PTPRD: variants seen among roughly 807,000 people sequenced by gnomAD.
PTPRD encodes protein tyrosine phosphatase receptor type D.
In PTPRD, 34 loss-of-function variants were observed where a neutral mutation model predicts 214.5. The ratio of observed to expected loss-of-function variants is 0.16; its 90% CI spans 0.12 to 0.21. The LOEUF (loss-of-function observed/expected upper bound fraction) is 0.21. Among genes scored for constraint, PTPRD ranks in the 10% least tolerant of loss-of-function variants. The probability of loss-of-function intolerance (pLI) is 1.00; values close to 1 mark genes in which losing one functional copy is unlikely to be tolerated. For missense variants in PTPRD, 2,545 were observed against 2,398.7 expected (o/e 1.06, Z -1.27); for synonymous variants, 1,128 against 845.7 (o/e 1.33, Z -5.79).
intron 3 of PTPRD, among the ~76,000 whole-genome samples, chr9:10,181,173 T>C (rs1267212432): frequency 4.6e-5 from 7 of 152,092 alleles, no homozygotes. Flanking sequence ...AGGATAGTCA[T>C]CTAATCTTTA....
At chr9:10,579,206 C>A (rs1009737154) in intron 2 of PTPRD, among the ~76,000 whole-genome samples, 45 of 152,154 alleles carry the variant, frequency 3.0e-4, no homozygotes, top group African/African-American at 1.0e-3. Flanking sequence ...TCATTCTCAG[C>A]AAACTAACAC....
rs912602852 is a variant in PTPRD, at chr9:9,568,611, G to A, written c.-237+6121C>T. ...ACTTACAACTCACTGAGTCATACAT[G>A]TATGGATTTATAGGTTTTCCTACAT... On this transcript the variant is annotated intron_variant, in intron 8 of 45. Transcript: ENST00000381196. Among the ~76,000 whole-genome samples the A allele has an allele frequency of 3.3e-5, 5 of 151,926 alleles. No homozygotes were observed. The East Asian group carries it at 9.6e-4, about 29-fold the overall frequency.
intron 10 of PTPRD, among the ~76,000 whole-genome samples, chr9:9,031,593 T>G (rs2099605616): frequency 6.6e-6 from 1 of 152,038 alleles, no homozygotes; most frequent in African/African-American, 2.4e-5. Context: ...TCAGCTCTAT[T>G]ATAATCTTAA....
intron 11 of PTPRD, among the ~76,000 whole-genome samples, chr9:8,999,023 T>C (rs1429243910): frequency 2.0e-5 from 3 of 152,094 alleles, no homozygotes; most frequent in Non-Finnish European, 1.5e-5. Flanking sequence ...AGTTGCATTT[T>C]ATGCATGAGC....
intron 2 of PTPRD, among the ~76,000 whole-genome samples, chr9:10,486,668 A>G (rs1209053496): frequency 6.6e-6 from 1 of 152,224 alleles, no homozygotes; most frequent in Non-Finnish European, 1.5e-5. Context: ...GTCAGAGAAG[A>G]TGCCTGATAT....
At chr9:9,724,437 T>C (rs2098037367) in intron 7 of PTPRD, among the ~76,000 whole-genome samples, 1 of 152,166 alleles carries the variant, frequency 6.6e-6, no homozygotes, top group Non-Finnish European at 1.5e-5. Context: ...TTGTACTTTC[T>C]TTCCCAGAAT....
At chr9:9,537,743 G>T (rs2076806329) in intron 8 of PTPRD, among the ~76,000 whole-genome samples, 1 of 151,816 alleles carries the variant, frequency 6.6e-6, no homozygotes, top group African/African-American at 2.4e-5. Flanking sequence ...AAATAATTCT[G>T]CAGCTTAAAA....
intron 9 of PTPRD, among the ~76,000 whole-genome samples, chr9:9,365,361 G>A (rs920726088): frequency 6.6e-6 from 1 of 151,452 alleles, no homozygotes; most frequent in Non-Finnish European, 1.5e-5. Context: ...CCTTAATAGA[G>A]ACTAAAGATT....
intron 5 of PTPRD, among the ~76,000 whole-genome samples, chr9:9,893,366 G>A (rs1457629231): frequency 1.3e-5 from 2 of 152,026 alleles, no homozygotes; most frequent in South Asian, 2.1e-4. Context: ...CCATTGGTAT[G>A]CTGTCTTCAA....
intron 10 of PTPRD, among the ~76,000 whole-genome samples, chr9:9,140,779 C>T (rs986055895): frequency 8.5e-5 from 13 of 152,098 alleles, no homozygotes; most frequent in African/African-American, 3.1e-4. Context: ...GGGGTTTCAC[C>T]GTATTAGCCA....
intron 2 of PTPRD, among the ~76,000 whole-genome samples, chr9:10,354,118 A>G (rs2097228227): frequency 6.6e-6 from 1 of 152,076 alleles, no homozygotes; most frequent in African/African-American, 2.4e-5. Flanking sequence ...TAGCCATTTA[A>G]TCGGTAATTG....
intron 21 of PTPRD, among the ~76,000 whole-genome samples, chr9:8,510,298 T>TAAAC (rs2097651204): frequency 1.3e-5 from 2 of 151,830 alleles, no homozygotes; most frequent in South Asian, 4.2e-4. Flanking sequence ...TCTCTAAAAA[T>TAAAC]AAATAAATAA....
intron 11 of PTPRD, among the ~76,000 whole-genome samples, chr9:9,004,728 A>C (rs1157836358): frequency 1.3e-5 from 2 of 152,078 alleles, no homozygotes; most frequent in African/African-American, 4.8e-5. Context: ...CAGAGGTAGG[A>C]CTGAAAATCA....
chr9:9,881,664 T>C (rs1013269495), intron 5 of PTPRD, among the ~76,000 whole-genome samples: 7 of 152,130 alleles, frequency 4.6e-5, no homozygotes, highest in Admixed American at 3.3e-4. Context: ...CCTGGTATGA[T>C]AGATTGGTTG....
chr9:9,761,300 T>C (rs1215810623), intron 6 of PTPRD, among the ~76,000 whole-genome samples: 1 of 152,202 alleles, frequency 6.6e-6, no homozygotes, highest in Non-Finnish European at 1.5e-5. Context: ...AAGGTATGAT[T>C]CCATTTATAT....
intron 12 of PTPRD, among the ~76,000 whole-genome samples, chr9:8,711,966 C>G (rs756224128): frequency 1.3e-5 from 2 of 152,272 alleles, no homozygotes; most frequent in Admixed American, 6.5e-5. Context: ...CTACATATTG[C>G]GGCAGTGTGA....
At chr9:9,164,709 C>A (rs866715415) in intron 10 of PTPRD, among the ~76,000 whole-genome samples, 1 of 152,080 alleles carries the variant, frequency 6.6e-6, no homozygotes, top group East Asian at 1.9e-4. Flanking sequence ...AGACTGATTT[C>A]TTTTTTAAAA....
At chr9:8,590,272 G>A (rs911210007) in intron 14 of PTPRD, among the ~76,000 whole-genome samples, 10 of 152,112 alleles carry the variant, frequency 6.6e-5, no homozygotes, top group African/African-American at 2.4e-4. Context: ...TGACATAAGA[G>A]CTCTGCGGAG....
chr9:10,541,807 G>A (rs1473761538), intron 2 of PTPRD, among the ~76,000 whole-genome samples: 1 of 151,934 alleles, frequency 6.6e-6, no homozygotes, highest in Non-Finnish European at 1.5e-5. Context: ...GCATGCAACT[G>A]AAGACCCCTC....
Sources: gnomAD v4.1 joint callset for allele counts (sites outside exome capture counted in the v4.1 genomes callset) on GRCh38, gnomAD v4.1.1 for gene constraint, MANE v1.5 for transcripts, NCBI Gene and HGNC (gene_info 2026-07-23, HGNC 2026-07-21) for gene names.